TLE1: variants seen among roughly 807,000 people sequenced by gnomAD.
The protein encoded by TLE1 is transducin-like enhancer protein 1.
In TLE1, 21 loss-of-function variants were observed where a neutral mutation model predicts 89.8. That is an observed-to-expected ratio of 0.23 (90% CI 0.17 to 0.34). The LOEUF (loss-of-function observed/expected upper bound fraction) is 0.34. Ranked by LOEUF, TLE1 falls within the 10% of genes least tolerant of loss-of-function variation. The pLI, the probability that TLE1 is intolerant of heterozygous loss-of-function variation, is 1.00. For missense variants in TLE1, 795 were observed against 1,031.2 expected, an observed-to-expected ratio of 0.77 and a Z score of 3.14; for synonymous variants, 447 against 407.6, an observed-to-expected ratio of 1.10 and a Z score of -1.16.
intron 14 of TLE1, among the ~76,000 whole-genome samples, chr9:81,600,819 G>A (rs1003486553): frequency 6.6e-6 from 1 of 152,160 alleles, no homozygotes; most frequent in African/African-American, 2.4e-5. Flanking sequence ...ACCAGTGCAG[G>A]TGGGTATCAC....
chr9:81,675,809 T>TC (rs1254332428), intron 4 of TLE1, among the ~76,000 whole-genome samples: 1 of 151,320 alleles, frequency 6.6e-6, no homozygotes, highest in Non-Finnish European at 1.5e-5. Context: ...CAAGTGATTT[T>TC]CCTGCCTCAG....
intron 6 of TLE1, among the ~76,000 whole-genome samples, chr9:81,651,113 G>A (rs1043667942): frequency 5.9e-5 from 9 of 152,122 alleles, no homozygotes; most frequent in African/African-American, 1.9e-4. Context: ...CTCTTAATCC[G>A]TACAGCAGCA....
At chr9:81,686,017 G>T in intron 2 of TLE1, 121 bp from the exon 3 acceptor site, 1 of 957,802 alleles carries the variant, frequency 1.0e-6, no homozygotes, top group Non-Finnish European at 1.6e-6. Context: ...AAACTATCTA[G>T]GTAAACACCC....
At chr9:81,617,332 T>A (rs1472321988) in intron 9 of TLE1, among the ~76,000 whole-genome samples, 1 of 152,182 alleles carries the variant, frequency 6.6e-6, no homozygotes, top group African/African-American at 2.4e-5. Context: ...GCTCTCATTG[T>A]CCCCTCATAA....
intron 7 of TLE1, 81 bp from the exon 8 acceptor site, chr9:81,633,445 A>C: frequency 8.1e-6 from 13 of 1,605,662 alleles, no homozygotes; most frequent in Non-Finnish European, 1.1e-5. Context: ...AAAAGGGGGG[A>C]ATAATTAGAA....
At chr9:81,584,626 A>G in intron 18 of TLE1, 102 bp from the exon 19 acceptor site, 1 of 1,053,386 alleles carries the variant, frequency 9.5e-7, no homozygotes, top group Non-Finnish European at 1.4e-6. Flanking sequence ...TTAATATATG[A>G]ACTATCATGC....
At chr9:81,584,608 G>A (rs912284514) in intron 18 of TLE1, 84 bp from the exon 19 acceptor site, 3 of 1,302,480 alleles carry the variant, frequency 2.3e-6, no homozygotes, top group Non-Finnish European at 3.3e-6. Context: ...ATCAAACTAA[G>A]AACATTTTTA....
At chr9:81,593,382 T>A in intron 14 of TLE1, 108 bp from the exon 15 acceptor site, 1 of 1,364,670 alleles carries the variant, frequency 7.3e-7, no homozygotes, top group South Asian at 1.5e-5. Context: ...AAAGGAAAGA[T>A]TCTCTTGTAT....
chr9:81,688,128 G>A, intron 1 of TLE1, 89 bp downstream of exon 1: 1 of 1,529,100 alleles, frequency 6.5e-7, no homozygotes, highest in African/African-American at 1.4e-5. Context: ...AGGTCCGCCG[G>A]GCCTCAGAAG....
rs1254115992 is a variant in TLE1 at position 81,635,853 on chromosome 9, A to G, written c.373-1552T>C. ...TTACAATGAATTTTCAAGCACTCCAACTTTTCTAAAAATGTTTAGGGTCAG... is the reference window on the plus strand; with the variant it reads ...TTACAATGAATTTTCAAGCACTCCAGCTTTTCTAAAAATGTTTAGGGTCAG... On this transcript the variant is annotated intron_variant, in intron 6 of 19. Transcript: ENST00000376499. Among the ~76,000 whole-genome samples, 4 of 152,264 alleles carry G rather than the reference A, an allele frequency of 2.6e-5. No individual in the cohort carries two copies. In the East Asian group the frequency reaches 5.8e-4, roughly 22 times the overall value.
chr9:81,654,931 GGTCAA>G (rs1311672454), intron 4 of TLE1, among the ~76,000 whole-genome samples: 3 of 152,118 alleles, frequency 2.0e-5, no homozygotes, highest in Non-Finnish European at 4.4e-5. Context: ...AGAGGGTGAT[GGTCAA>G]GTCATGATAT....
At chr9:81,595,846 A>G (rs903842987) in intron 14 of TLE1, among the ~76,000 whole-genome samples, 9 of 152,042 alleles carry the variant, frequency 5.9e-5, no homozygotes, top group African/African-American at 2.2e-4. Flanking sequence ...AAAAAATAAA[A>G]GTAAAACAAT....
intron 14 of TLE1, among the ~76,000 whole-genome samples, chr9:81,598,145 A>C (rs1224234319): frequency 1.3e-5 from 2 of 152,178 alleles, no homozygotes; most frequent in Admixed American, 1.3e-4. Flanking sequence ...ATCGTGTCAA[A>C]AACCTTCATT....
At position 81,587,721 on chromosome 9, in the gene TLE1, C is replaced by T. The variant is rs1480688189; in HGVS notation, c.1937G>A (p.Arg646His). The T allele has an allele frequency of 3.1e-6, 5 of 1,613,586 alleles. No homozygotes were observed. The highest frequency in any genetic ancestry group is 1.7e-5 in the Admixed American group (1 of 59,970). Residue 646 changes from arginine (R) to histidine (H), a missense_variant, in exon 17 of 20, where the codon CGC becomes CAC. Arg to His is a conservative substitution (Grantham distance 29). This residue lies in a region of TLE1 where 214 missense variants were observed against 354.9 expected (regional missense o/e 0.60). Transcript: ENST00000376499. ...LDNTVRSWDL[R>H]EGRQLQQHDF... ...GTGCTGCTGCAGCTGCCGCCCCTCG[C>T]GCAGGTCCCAGGACCTGACTGTGTT... is the stretch of plus-strand genomic sequence containing the variant.
intron 6 of TLE1, among the ~76,000 whole-genome samples, chr9:81,651,733 ATTT>A (rs998243781): frequency 6.6e-6 from 1 of 152,200 alleles, no homozygotes; most frequent in African/African-American, 2.4e-5. Flanking sequence ...TGAGGAAAGT[ATTT>A]AAAATTCTAA....
At chr9:81,675,698 G>GTTTGTTTTTTTTTTTTTTTTTTTTT (rs1554701835) in intron 4 of TLE1, among the ~76,000 whole-genome samples, 8 of 129,672 alleles carry the variant, frequency 6.2e-5, no homozygotes, top group African/African-American at 2.3e-4. Flanking sequence ...ACTCACACTA[G>GTTTGTTTTTTTTTTTTTTTTTTTTT]TTTTTTTTTG....
chr9:81,627,838 A>C (rs1003776850), intron 8 of TLE1, among the ~76,000 whole-genome samples: 1 of 152,166 alleles, frequency 6.6e-6, no homozygotes, highest in African/African-American at 2.4e-5. Flanking sequence ...CACGGTGCTG[A>C]CATGCTGAGA....
intron 4 of TLE1, among the ~76,000 whole-genome samples, chr9:81,684,606 G>C (rs1040905967): frequency 6.6e-6 from 1 of 152,196 alleles, no homozygotes; most frequent in Non-Finnish European, 1.5e-5. Context: ...TTTCTCCACT[G>C]TGCCCCAGCC....
chr9:81,593,240 T>C lies in TLE1; in HGVS notation c.1366A>G (p.Met456Val). 1 of 1,614,042 alleles carries C rather than the reference T, an allele frequency of 6.2e-7. No homozygotes were observed. Among genetic ancestry groups the C allele is most frequent in the Non-Finnish European group, 8.5e-7 (1 of 1,179,934 alleles). ...YSFHVTADGQ[M>V]QPVPFPPDAL... ...TCGGGGGGAAAAGGGACAGGCTGCA[T>C]CTGACCGTCTGCAGTAACGTGGAAG... Residue 456 changes from methionine to valine, a missense_variant, in exon 15 of 20, where the codon ATG becomes GTG. This residue lies in a region of TLE1 where 468 missense variants were observed against 509.1 expected (regional missense o/e 0.92). Coordinates refer to ENST00000376499, the MANE Select transcript of TLE1 (RefSeq NM_005077.5).
Sources: gnomAD v4.1 joint callset for allele counts (sites outside exome capture counted in the v4.1 genomes callset) on GRCh38, gnomAD v4.1.1 for gene constraint, gnomAD v4.1.1 regional missense constraint, MANE v1.5 for transcripts, NCBI Gene and HGNC (gene_info 2026-07-23, HGNC 2026-07-21) for gene names.